The following SDK2 variants were observed in gnomAD, a reference collection of about 807,000 sequenced individuals.
SDK2 encodes sidekick cell adhesion molecule 2.
In SDK2, 105 loss-of-function variants were observed where a neutral mutation model predicts 253.9. The ratio of observed to expected loss-of-function variants is 0.41; its 90% CI spans 0.35 to 0.49. The LOEUF (loss-of-function observed/expected upper bound fraction) is 0.49. Ranked by LOEUF, SDK2 falls within the 20% of genes least tolerant of loss-of-function variation. The probability of loss-of-function intolerance (pLI) is 0.06; values close to 1 mark genes in which losing one functional copy is unlikely to be tolerated. For synonymous variants in SDK2, 1,249 were observed against 1,234.9 expected, an observed-to-expected ratio of 1.01 and a Z score of -0.24; for missense variants, 2,608 against 3,003.0, an observed-to-expected ratio of 0.87 and a Z score of 3.07.
chr17:73,426,479 C>A (rs2063285275), intron 12 of SDK2, among the ~76,000 whole-genome samples: 1 of 151,996 alleles, frequency 6.6e-6, no homozygotes. Context: ...GTCAGTACAG[C>A]TGTTTTGTAA....
At chr17:73,436,357 A>T (rs1267651035) in intron 8 of SDK2, among the ~76,000 whole-genome samples, 1 of 152,060 alleles carries the variant, frequency 6.6e-6, no homozygotes, top group Non-Finnish European at 1.5e-5. Flanking sequence ...CGGGTGGATC[A>T]CCTGAGCTCA....
chr17:73,351,192 C>T (rs2062535303), intron 41 of SDK2, among the ~76,000 whole-genome samples: 1 of 151,736 alleles, frequency 6.6e-6, no homozygotes, highest in South Asian at 2.1e-4. Context: ...TCACTGCAAC[C>T]TCCACTTCCC....
At chr17:73,560,831 C>T (rs986253589) in intron 1 of SDK2, among the ~76,000 whole-genome samples, 1 of 152,224 alleles carries the variant, frequency 6.6e-6, no homozygotes, top group African/African-American at 2.4e-5. Flanking sequence ...GGTGCCCACC[C>T]CCTCCCGATC....
intron 1 of SDK2, among the ~76,000 whole-genome samples, chr17:73,552,591 C>T (rs1285214941): frequency 2.0e-5 from 3 of 152,110 alleles, no homozygotes; most frequent in African/African-American, 7.2e-5. Context: ...CTTCTCGGCA[C>T]TCAAGAAGTA....
rs914751577 is a variant in SDK2, at chr17:73,541,600, C to T, written c.65-34003G>A. Among the ~76,000 whole-genome samples the T allele has an allele frequency of 6.6e-6, 1 of 151,704 alleles. No individual in the cohort carries two copies. Among genetic ancestry groups the T allele is most frequent in the Non-Finnish European group, 1.5e-5 (1 of 67,952 alleles). ...GCCAGAGCTCGCCCCACCCTCCCTC[C>T]GTCTCTCCCTGCTGGCTCTTCATTT... On this transcript the variant is annotated intron_variant, in intron 1 of 44. Coordinates refer to ENST00000392650, the MANE Select transcript of SDK2 (RefSeq NM_001144952.2). The surrounding 1 kb of genome is among the most constrained non-coding windows in gnomAD (Gnocchi z 4.3).
chr17:73,419,724 A>C (rs1206300859), intron 15 of SDK2, among the ~76,000 whole-genome samples: 4 of 74,236 alleles, frequency 5.4e-5, no homozygotes, highest in East Asian at 2.1e-4. Context: ...AACAACAAAA[A>C]AAACCCAAAA....
chr17:73,469,272 C>A (rs1274291177), intron 3 of SDK2, among the ~76,000 whole-genome samples: 4 of 152,170 alleles, frequency 2.6e-5, no homozygotes, highest in African/African-American at 4.8e-5. Flanking sequence ...TTGAGCCAGG[C>A]CCCCATATGT....
chr17:73,581,609 C>T (rs568791292), intron 1 of SDK2, among the ~76,000 whole-genome samples: 1 of 152,220 alleles, frequency 6.6e-6, no homozygotes. Flanking sequence ...AGTTGGTGCT[C>T]GCTGGACCAG....
intron 1 of SDK2, among the ~76,000 whole-genome samples, chr17:73,600,673 C>A (rs538456301): frequency 8.7e-4 from 132 of 152,328 alleles, no homozygotes; most frequent in African/African-American, 3.0e-3. Flanking sequence ...CCAGTCGATG[C>A]GGACAACTTG....
At chr17:73,423,347 T>C (rs574878448) in intron 14 of SDK2, 39 bp downstream of exon 14, 1 of 1,366,436 alleles carries the variant, frequency 7.3e-7, no homozygotes, top group South Asian at 1.9e-5. Context: ...AAGTCCAAGC[T>C]TGGGCGGGAG....
chr17:73,399,551 CAG>C (rs1023840133), intron 21 of SDK2, among the ~76,000 whole-genome samples: 1 of 152,180 alleles, frequency 6.6e-6, no homozygotes, highest in Non-Finnish European at 1.5e-5. Context: ...GGCCAGGAAA[CAG>C]GGGCCGGGAT....
At chr17:73,607,873 T>C (rs180696315) in intron 1 of SDK2, among the ~76,000 whole-genome samples, 1 of 151,902 alleles carries the variant, frequency 6.6e-6, no homozygotes, top group Admixed American at 6.6e-5. Flanking sequence ...TTGTTGTTAA[T>C]ATTTTATTTC....
At chr17:73,526,800 C>T (rs775612989) in intron 1 of SDK2, among the ~76,000 whole-genome samples, 2 of 152,178 alleles carry the variant, frequency 1.3e-5, no homozygotes, top group South Asian at 2.1e-4. Context: ...AGGACAGTTA[C>T]GTGCAGTGTG....
At position 73,541,887 on chromosome 17, in the gene SDK2, T is replaced by G. The variant is rs776093930; in HGVS notation, c.65-34290A>C. 2.4e-4 allele frequency among the ~76,000 whole-genome samples: 37 copies of G among 152,314 alleles called. No individual in the cohort carries two copies. Among genetic ancestry groups the G allele is most frequent in the Middle Eastern group, 6.8e-3 (2 of 294 alleles). ...TTGGTGGAAACCACCTAGGCTGGGA[T>G]GCAAGTCCAGGCCTGTTCTTGCCTG... On this transcript the variant is annotated intron_variant, in intron 1 of 44. Coordinates refer to ENST00000392650, the MANE Select transcript of SDK2 (RefSeq NM_001144952.2). This position sits in a 1 kb window ranked among gnomAD's most constrained non-coding sequence, Gnocchi z 4.3.
At chr17:73,436,869 C>T (rs1025995343) in intron 8 of SDK2, among the ~76,000 whole-genome samples, 6 of 152,084 alleles carry the variant, frequency 3.9e-5, no homozygotes, top group African/African-American at 1.4e-4. Context: ...ATCTTACAAC[C>T]CATGGCATTT....
intron 8 of SDK2, among the ~76,000 whole-genome samples, chr17:73,437,405 C>T (rs914513124): frequency 6.6e-6 from 1 of 152,050 alleles, no homozygotes; most frequent in African/African-American, 2.4e-5. Context: ...GAGATGCACC[C>T]GGGGGCTGCT....
chr17:73,523,742 T>C (rs942615749), intron 1 of SDK2, among the ~76,000 whole-genome samples: 1 of 152,034 alleles, frequency 6.6e-6, no homozygotes, highest in East Asian at 1.9e-4. Flanking sequence ...TACTTTCTTA[T>C]AGCAGCAAAT....
intron 1 of SDK2, among the ~76,000 whole-genome samples, chr17:73,588,035 G>A (rs2045625309): frequency 6.6e-6 from 1 of 152,152 alleles, no homozygotes; most frequent in Non-Finnish European, 1.5e-5. Flanking sequence ...GGAGGAGGGA[G>A]TCCCAGGAAC....
intron 3 of SDK2, among the ~76,000 whole-genome samples, chr17:73,457,264 T>C (rs1599584429): frequency 3.6e-5 from 2 of 54,854 alleles, no homozygotes; most frequent in African/African-American, 1.1e-4. Context: ...CCTTCCTTCC[T>C]TCCTTCCTTC....
Sources: allele counts gnomAD v4.1 joint callset (sites outside exome capture counted in the v4.1 genomes callset), GRCh38; gene constraint gnomAD v4.1.1; non-coding constraint Gnocchi (gnomAD v3.1); transcripts MANE v1.5; gene names NCBI Gene and HGNC (gene_info 2026-07-23, HGNC 2026-07-21).